PRR16: variants seen among roughly 807,000 people sequenced by gnomAD.
PRR16 encodes proline rich 16, also known as protein Largen.
In PRR16, 6 loss-of-function variants were observed where a neutral mutation model predicts 18.2. The ratio of observed to expected loss-of-function variants is 0.33; its 90% CI spans 0.18 to 0.65. The LOEUF is 0.65. Ranked by LOEUF, PRR16 falls within the 30% of genes least tolerant of loss-of-function variation. PRR16 has a pLI of 0.74. For missense variants in PRR16, 412 were observed against 376.6 expected (o/e 1.09, Z -0.78); for synonymous variants, 151 against 147.8 (o/e 1.02, Z -0.16).
At chr5:120,615,571 G>T (rs1459826841) in intron 1 of PRR16, among the ~76,000 whole-genome samples, 3 of 151,756 alleles carry the variant, frequency 2.0e-5, no homozygotes, top group East Asian at 3.9e-4. Context: ...ATTCGTTGTA[G>T]ATTTAAAGTG....
intron 1 of PRR16, among the ~76,000 whole-genome samples, chr5:120,514,391 C>G (rs2112861293): frequency 6.6e-6 from 1 of 152,290 alleles, no homozygotes; most frequent in Middle Eastern, 3.4e-3. Flanking sequence ...CTCTCCTGAA[C>G]AGCATGCTTT....
At chr5:120,617,276 A>T in intron 1 of PRR16, 1 of 608,904 alleles carries the variant, frequency 1.6e-6, no homozygotes, top group Non-Finnish European at 2.1e-6. Context: ...CCAATATATC[A>T]TTTGTAATTC....
the PRR16 span, among the ~76,000 whole-genome samples, chr5:120,742,441 TTATG>T: frequency 6.6e-6 from 1 of 151,792 alleles, no homozygotes; most frequent in South Asian, 2.1e-4. Flanking sequence ...AGTATCTTCA[TTATG>T]TATTTTTTAA....
the PRR16 span, among the ~76,000 whole-genome samples, chr5:120,737,347 G>A: frequency 2.2e-5 from 2 of 90,760 alleles, no homozygotes; most frequent in Non-Finnish European, 4.6e-5. Flanking sequence ...TTATGAAAGG[G>A]TGTCAAATTT....
the PRR16 span, among the ~76,000 whole-genome samples, chr5:120,770,310 A>G: frequency 1.3e-5 from 2 of 151,984 alleles, no homozygotes; most frequent in African/African-American, 4.8e-5. Flanking sequence ...CGATCAGTTG[A>G]ATCCATGATG....
intron 1 of PRR16, among the ~76,000 whole-genome samples, chr5:120,573,042 T>G (rs946766909): frequency 6.6e-6 from 1 of 152,142 alleles, no homozygotes; most frequent in East Asian, 1.9e-4. Flanking sequence ...TGCATTTTTT[T>G]AGTATGCCTC....
intron 1 of PRR16, among the ~76,000 whole-genome samples, chr5:120,642,690 A>G (rs770740380): frequency 1.8e-4 from 28 of 152,214 alleles, no homozygotes; most frequent in Non-Finnish European, 3.5e-4. Context: ...CCCTCTTTCC[A>G]GAATGTGTCC....
chr5:120,511,390 T>C (rs1037406212), intron 1 of PRR16, among the ~76,000 whole-genome samples: 1 of 152,182 alleles, frequency 6.6e-6, no homozygotes, highest in African/African-American at 2.4e-5. Context: ...TTGCTGACTC[T>C]CCTTCTCATT....
the PRR16 span, among the ~76,000 whole-genome samples, chr5:120,747,995 G>A: frequency 2.0e-5 from 3 of 152,014 alleles, no homozygotes; most frequent in East Asian, 3.9e-4. Flanking sequence ...TTTACGAATC[G>A]TTGCTGCCAT....
chr5:120,616,600 T>G, intron 1 of PRR16, among the ~76,000 whole-genome samples: 1 of 152,294 alleles, frequency 6.6e-6, no homozygotes, highest in South Asian at 2.1e-4. Context: ...GGCTACTCTA[T>G]ACTACCACAT....
chr5:120,606,657 T>C (rs1754163235), intron 1 of PRR16, among the ~76,000 whole-genome samples: 1 of 152,122 alleles, frequency 6.6e-6, no homozygotes, highest in Non-Finnish European at 1.5e-5. Context: ...AATCCCAGCA[T>C]GTTGAGAGGC....
intron 1 of PRR16, among the ~76,000 whole-genome samples, chr5:120,524,351 T>A (rs1234878991): frequency 6.6e-6 from 1 of 152,204 alleles, no homozygotes; most frequent in African/African-American, 2.4e-5. Context: ...TTTTTAATTC[T>A]TCCTTAGTAA....
At position 120,518,243 on chromosome 5, in the gene PRR16, C is replaced by A. The variant is rs191755575; in HGVS notation, c.159+53598C>A. On this transcript the variant is annotated intron_variant, in intron 1 of 1. Coordinates refer to ENST00000407149, the MANE Select transcript of PRR16 (RefSeq NM_001300783.2). ...AGCAAGTTTTTAATACATCTTAATTCTCATTAAATTTTGCAGGTATCTATT... is the reference window on the plus strand; with the variant it reads ...AGCAAGTTTTTAATACATCTTAATTATCATTAAATTTTGCAGGTATCTATT... Among the ~76,000 whole-genome samples, 236 of 152,128 alleles carry A rather than the reference C, an allele frequency of 1.6e-3. 1 individual carries two copies. Among genetic ancestry groups the A allele is most frequent in the African/African-American group, 5.5e-3 (229 of 41,512 alleles).
chr5:120,565,132 C>G (rs779008524), intron 1 of PRR16, among the ~76,000 whole-genome samples: 1 of 151,954 alleles, frequency 6.6e-6, no homozygotes, highest in Non-Finnish European at 1.5e-5. Flanking sequence ...TCTATTCCAC[C>G]GTCTTGCTCT....
chr5:120,739,190 T>A, the PRR16 span, among the ~76,000 whole-genome samples: 3 of 152,088 alleles, frequency 2.0e-5, 1 homozygote, highest in Non-Finnish European at 4.4e-5. Context: ...TGTGAGTGAG[T>A]ATGTAACAAG....
chr5:120,625,067 A>G (rs1754820652), intron 1 of PRR16, among the ~76,000 whole-genome samples: 1 of 152,280 alleles, frequency 6.6e-6, no homozygotes, highest in Admixed American at 6.5e-5. Flanking sequence ...AGTCTTGCAT[A>G]TGTCTTCATC....
At chr5:120,732,210 A>G in the PRR16 span, among the ~76,000 whole-genome samples, 1 of 152,220 alleles carries the variant, frequency 6.6e-6, no homozygotes, top group Non-Finnish European at 1.5e-5. Context: ...TATAATGAAC[A>G]ATTAATTTAT....
chr5:120,705,679 A>G, the PRR16 span, among the ~76,000 whole-genome samples: 2 of 152,164 alleles, frequency 1.3e-5, no homozygotes, highest in African/African-American at 2.4e-5. Flanking sequence ...GTTAATAACA[A>G]CAACATTATA....
At chr5:120,577,797 G>T (rs1265911786) in intron 1 of PRR16, among the ~76,000 whole-genome samples, 1 of 152,076 alleles carries the variant, frequency 6.6e-6, no homozygotes, top group African/African-American at 2.4e-5. Flanking sequence ...GCTTTCTTTC[G>T]ATTATTCATT....
Sources: gnomAD v4.1 joint callset for allele counts (sites outside exome capture counted in the v4.1 genomes callset) on GRCh38, gnomAD v4.1.1 for gene constraint, MANE v1.5 for transcripts, NCBI Gene and HGNC (gene_info 2026-07-23, HGNC 2026-07-21) for gene names.